PRKCH: variants seen among roughly 807,000 people sequenced by gnomAD.
The protein encoded by PRKCH is protein kinase C eta type.
PRKCH carries 28 observed loss-of-function variants against 82.5 expected under a neutral mutation model. The ratio of observed to expected loss-of-function variants is 0.34; its 90% CI spans 0.25 to 0.47. The LOEUF (loss-of-function observed/expected upper bound fraction) is 0.47, where lower values mean the gene tolerates loss of function less well. Among genes scored for constraint, PRKCH ranks in the 20% least tolerant of loss-of-function variants. PRKCH has a pLI of 1.00. For synonymous variants in PRKCH, 322 were observed against 327.4 expected (o/e 0.98, Z 0.18); for missense variants, 705 against 881.8 (o/e 0.80, Z 2.54).
chr14:61,518,590 C>T (rs192690880), intron 10 of PRKCH, among the ~76,000 whole-genome samples: 4 of 152,078 alleles, frequency 2.6e-5, no homozygotes, highest in Non-Finnish European at 4.4e-5. Flanking sequence ...AGAGAGTCAG[C>T]GAATGGGGTT....
rs71117812 is a variant in PRKCH at position 61,329,234 on chromosome 14, C to CTTTTTTTTTTTTTTTTT, written c.363+6774_363+6790dup. On this transcript the variant is annotated intron_variant, in intron 1 of 13. Coordinates refer to ENST00000332981, the MANE Select transcript of PRKCH (RefSeq NM_006255.5). ...ACTGCTCTTAGATAAACTCCTGAGT[C>CTTTTTTTTTTTTTTTTT]TTTTTTTTTTTTTTTTTTTTGAGAC... Among the ~76,000 whole-genome samples, 108 of 63,468 alleles carry CTTTTTTTTTTTTTTTTT rather than the reference C, an allele frequency of 1.7e-3. 27 individuals are homozygous for CTTTTTTTTTTTTTTTTT. The highest frequency in any genetic ancestry group is 6.9e-3 in the African/African-American group (102 of 14,774). 41.6% of individuals were successfully genotyped at this position (63,468 alleles called of 152,430 possible). A position where few individuals can be genotyped will look rare whatever the true frequency, so the allele number is the denominator to read the frequency against.
chr14:61,549,588 A>G, intron 13 of PRKCH, 97 bp from the exon 14 acceptor site: 1 of 1,304,696 alleles, frequency 7.7e-7, no homozygotes, highest in Non-Finnish European at 1.1e-6. Context: ...GCTACAGAGC[A>G]CTCCTCTGAA....
intron 1 of PRKCH, chr14:61,279,983 G>A: frequency 1.0e-6 from 1 of 953,082 alleles, no homozygotes; most frequent in Non-Finnish European, 1.5e-6. Flanking sequence ...TTCACAAAGG[G>A]AGGAAAAGCT....
chr14:61,509,239 G>C (rs566555976), intron 10 of PRKCH, among the ~76,000 whole-genome samples: 1 of 152,202 alleles, frequency 6.6e-6, no homozygotes, highest in African/African-American at 2.4e-5. Flanking sequence ...GACTTTTTTA[G>C]TTTGGAGAAT....
At chr14:61,352,722 G>T (rs1268481853) in intron 1 of PRKCH, among the ~76,000 whole-genome samples, 1 of 151,376 alleles carries the variant, frequency 6.6e-6, no homozygotes, top group Admixed American at 6.6e-5. Flanking sequence ...AAGAAAGAAA[G>T]AAAGAAAGAA....
At chr14:61,295,638 T>C (rs1383820973) in intron 1 of PRKCH, among the ~76,000 whole-genome samples, 2 of 152,248 alleles carry the variant, frequency 1.3e-5, no homozygotes, top group East Asian at 1.9e-4. Context: ...AAGTGATACG[T>C]TGGTCTCCAT....
intron 9 of PRKCH, among the ~76,000 whole-genome samples, chr14:61,468,611 G>T (rs1885364748): frequency 6.6e-6 from 1 of 152,138 alleles, no homozygotes; most frequent in South Asian, 2.1e-4. Context: ...TGTGTCTTTG[G>T]CTCTGTCTCT....
At chr14:61,507,437 A>G (rs1273684700) in intron 10 of PRKCH, among the ~76,000 whole-genome samples, 2 of 152,192 alleles carry the variant, frequency 1.3e-5, no homozygotes, top group South Asian at 2.1e-4. Context: ...TCCTGGATCT[A>G]TAACCAAAGG....
chr14:61,349,307 A>G (rs760944184), intron 1 of PRKCH, among the ~76,000 whole-genome samples: 7 of 152,166 alleles, frequency 4.6e-5, no homozygotes, highest in Non-Finnish European at 7.3e-5. Flanking sequence ...AGTACCTACT[A>G]TGTACCAATC....
At chr14:61,246,716 C>A (rs1210718679) in intron 1 of PRKCH, among the ~76,000 whole-genome samples, 1 of 152,196 alleles carries the variant, frequency 6.6e-6, no homozygotes, top group South Asian at 2.1e-4. Context: ...TAAATAACAA[C>A]CATGTTGGCA....
chr14:61,453,492 CTTTCTCTT>C lies in PRKCH; in HGVS notation c.960+141_960+148del, dbSNP rs370526638. The C allele has an allele frequency of 1.4e-5, 11 of 796,404 alleles. No individual in the cohort carries two copies. In the African/African-American group the frequency reaches 1.8e-4, roughly 13 times the overall value. 49.3% of individuals were successfully genotyped at this position (796,404 alleles called of 1,614,324 possible). ...ACAGACTTATTGCCTTTCTTTCTTT[CTTTCTCTT>C]TCTTTCTTTCTTTTTTCTTTTCTTT... On this transcript the variant is annotated intron_variant, in intron 7 of 13. Transcript: ENST00000332981.
rs377250538 is a variant in PRKCH, at chr14:61,428,076, T to TAGATAGATAGATAGATAGATAC, written c.428-15034_428-15033insGATAGATAGATAGATAGATACA. 9.0e-4 allele frequency among the ~76,000 whole-genome samples: 114 copies of TAGATAGATAGATAGATAGATAC among 126,252 alleles called. 1 individual carries two copies. Among genetic ancestry groups the TAGATAGATAGATAGATAGATAC allele is most frequent in the Middle Eastern group, 3.8e-3 (1 of 266 alleles). 82.8% of individuals were successfully genotyped at this position (126,252 alleles called of 152,430 possible). ...ATAGATAGATAGATAGATAGATAGA[T>TAGATAGATAGATAGATAGATAC]ACACACACACACACACACACATATA... On this transcript the variant is annotated intron_variant, in intron 2 of 13. Transcript: ENST00000332981.
At chr14:61,209,938 T>C (rs113632283) in intron 1 of PRKCH, among the ~76,000 whole-genome samples, 7,662 of 151,544 alleles carry the variant, frequency 0.051, 674 homozygotes, top group African/African-American at 0.18. Context: ...TCACTGCAAA[T>C]GTTTAAAATG....
intron 12 of PRKCH, among the ~76,000 whole-genome samples, chr14:61,533,522 T>C (rs1168249346): frequency 6.6e-6 from 1 of 152,150 alleles, no homozygotes; most frequent in Non-Finnish European, 1.5e-5. Context: ...GGCATCAGAA[T>C]TGGGTTGGTT....
At chr14:61,406,589 A>G (rs1342204731) in intron 2 of PRKCH, among the ~76,000 whole-genome samples, 1 of 152,228 alleles carries the variant, frequency 6.6e-6, no homozygotes, top group Admixed American at 6.5e-5. Flanking sequence ...ATCTTTAAAA[A>G]GGTTTGATTA....
chr14:61,226,927 C>G (rs1479216410), intron 1 of PRKCH, among the ~76,000 whole-genome samples: 2 of 152,112 alleles, frequency 1.3e-5, no homozygotes, highest in Non-Finnish European at 2.9e-5. Flanking sequence ...TCTCTCAGAT[C>G]TCCTTGGCTG....
chr14:61,498,886 G>A (rs761143106), intron 10 of PRKCH, among the ~76,000 whole-genome samples: 6 of 128,642 alleles, frequency 4.7e-5, no homozygotes, highest in South Asian at 3.1e-4. Context: ...ATTCATACAC[G>A]TGTTTGGGGT....
intron 1 of PRKCH, among the ~76,000 whole-genome samples, chr14:61,390,009 AAG>A (rs548403585): frequency 2.6e-5 from 4 of 152,224 alleles, no homozygotes; most frequent in Non-Finnish European, 4.4e-5. Flanking sequence ...CAGCCAAAGA[AAG>A]AGAAAAATAA....
chr14:61,247,502 G>A (rs371952622), intron 1 of PRKCH, among the ~76,000 whole-genome samples: 4 of 151,984 alleles, frequency 2.6e-5, no homozygotes, highest in East Asian at 1.9e-4. Context: ...TTGGGAGGCC[G>A]AGGTGGGCAG....
Sources: allele counts gnomAD v4.1 joint callset (sites outside exome capture counted in the v4.1 genomes callset), GRCh38; gene constraint gnomAD v4.1.1; transcripts MANE v1.5; gene names NCBI Gene and HGNC (gene_info 2026-07-23, HGNC 2026-07-21).